Variants in SH3GL3 observed in about 807,000 individuals in gnomAD.
The protein encoded by SH3GL3 is SH3 domain containing GRB2 like 3, endophilin A3.
Under a neutral mutation model 47.7 loss-of-function variants are expected in SH3GL3, and 33 were observed. That is an observed-to-expected ratio of 0.69 (90% CI 0.52 to 0.92). The LOEUF (loss-of-function observed/expected upper bound fraction) is 0.92, where lower values mean the gene tolerates loss of function less well. Among genes scored for constraint, SH3GL3 ranks in the 40% least tolerant of loss-of-function variants. The pLI is 0.00. For synonymous variants in SH3GL3, 155 were observed against 148.8 expected (o/e 1.04, Z -0.30); for missense variants, 363 against 417.8 (o/e 0.87, Z 1.14).
At chr15:83,583,960 A>G (rs540216224) in intron 6 of SH3GL3, among the ~76,000 whole-genome samples, 2 of 152,258 alleles carry the variant, frequency 1.3e-5, no homozygotes, top group South Asian at 4.2e-4. Context: ...AGGTTTTTGC[A>G]TAGTTTGAGG....
intron 7 of SH3GL3, among the ~76,000 whole-genome samples, chr15:83,587,339 T>G (rs1040847783): frequency 2.6e-5 from 4 of 152,118 alleles, no homozygotes; most frequent in African/African-American, 9.7e-5. Context: ...AATCCCTTTT[T>G]TTTGTGACCC....
chr15:83,626,432 T>A, the SH3GL3 span, among the ~76,000 whole-genome samples: 1 of 152,154 alleles, frequency 6.6e-6, no homozygotes, highest in Admixed American at 6.5e-5. Flanking sequence ...AAGCCAGGGG[T>A]GGTCTGAAGC....
At chr15:83,483,987 A>C (rs565053027) in intron 1 of SH3GL3, among the ~76,000 whole-genome samples, 9 of 152,324 alleles carry the variant, frequency 5.9e-5, no homozygotes, top group African/African-American at 2.2e-4. Context: ...AAGAACTGAG[A>C]TCTGTGTTTT....
rs1322261433 is a variant in SH3GL3, at chr15:83,555,269, A to G, written c.46-3984A>G. On this transcript the variant is annotated intron_variant, in intron 1 of 8. Transcript: ENST00000427482. ...TAATTGTTTGCTCTTCATTAATAGA[A>G]GTTATTCCTTTATCTATCATTTTAA... Among the ~76,000 whole-genome samples the G allele has an allele frequency of 3.9e-5, 6 of 152,282 alleles. No homozygotes were observed. In the East Asian group the frequency reaches 1.2e-3, roughly 29 times the overall value.
At chr15:83,567,799 TAAAC>T (rs760613944) in intron 3 of SH3GL3, among the ~76,000 whole-genome samples, 5 of 152,292 alleles carry the variant, frequency 3.3e-5, no homozygotes, top group East Asian at 1.9e-4. Context: ...TGTTTACATT[TAAAC>T]AAACAAACAA....
Position 83,448,442 on chromosome 15 carries a change from A to ATGTGTGTGTG in SH3GL3, c.45+894_45+903dup, listed in dbSNP as rs71156081. 0.065 allele frequency among the ~76,000 whole-genome samples: 9,164 copies of ATGTGTGTGTG among 140,596 alleles called. 400 individuals are homozygous for ATGTGTGTGTG. Among genetic ancestry groups the ATGTGTGTGTG allele is most frequent in the Admixed American group, 0.075 (1,049 of 14,046 alleles). 92.2% of individuals were successfully genotyped at this position (140,596 alleles called of 152,430 possible). A position where few individuals can be genotyped will look rare whatever the true frequency, so the allele number is the denominator to read the frequency against. ...AAACAGGAGGGGAGACATGAAATTGATGTGTGTGTGTGTGTGTGTGTGTGT... is the reference window on the plus strand; with the variant it reads ...AAACAGGAGGGGAGACATGAAATTGATGTGTGTGTGTGTGTGTGTGTGTGTGTGTGTGTGT... On this transcript the variant is annotated intron_variant, in intron 1 of 8. Coordinates refer to ENST00000427482, the MANE Select transcript of SH3GL3 (RefSeq NM_003027.5). The surrounding 1 kb of genome is among the most constrained non-coding windows in gnomAD (Gnocchi z 4.2).
rs539232289 is a variant in SH3GL3 at position 83,580,407 on chromosome 15, A to G, written c.624+3666A>G. 2.6e-5 allele frequency among the ~76,000 whole-genome samples: 4 copies of G among 152,312 alleles called. No homozygotes were observed. The South Asian group carries it at 8.3e-4, about 32-fold the overall frequency. ...GGAGACAAGGTGCACAAACTGTCAA[A>G]TGAGTGGCTGCAAGGGAAGCCTGGT... is the stretch of plus-strand genomic sequence containing the variant. On this transcript the variant is annotated intron_variant, in intron 6 of 8. Transcript: ENST00000427482.
Position 83,618,482 on chromosome 15 carries a change from A to ACTG in SH3GL3, c.*195_*196insCTG. On this transcript the variant is annotated 3_prime_UTR_variant, in exon 9 of 9. Transcript: ENST00000427482. Reference sequence around the variant, plus strand: ...TTTCTTGTCCTTGCTACATGAAAATATTTTCTTTTTTGCTTCCTGTCCTAA... The same window carrying ACTG: ...TTTCTTGTCCTTGCTACATGAAAATACTGTTTTCTTTTTTGCTTCCTGTCCTAA... 1 of 554,282 alleles carries ACTG rather than the reference A, an allele frequency of 1.8e-6. No homozygotes were observed. Among genetic ancestry groups the ACTG allele is most frequent in the Non-Finnish European group, 3.2e-6 (1 of 311,286 alleles). 34.3% of individuals were successfully genotyped at this position (554,282 alleles called of 1,614,324 possible).
intron 2 of SH3GL3, among the ~76,000 whole-genome samples, chr15:83,562,897 A>C (rs2045354208): frequency 6.6e-6 from 1 of 152,224 alleles, no homozygotes; most frequent in Admixed American, 6.5e-5. Context: ...GCTCAAAGTC[A>C]CAAAACTTGT....
intron 1 of SH3GL3, among the ~76,000 whole-genome samples, chr15:83,505,448 G>T (rs563263650): frequency 6.6e-6 from 1 of 151,558 alleles, no homozygotes; most frequent in East Asian, 1.9e-4. Flanking sequence ...TATCTCATTG[G>T]GATTTTAATT....
At chr15:83,533,014 G>C (rs192717869) in intron 1 of SH3GL3, among the ~76,000 whole-genome samples, 1 of 152,198 alleles carries the variant, frequency 6.6e-6, no homozygotes, top group Non-Finnish European at 1.5e-5. Flanking sequence ...CATTGCCTGG[G>C]CTGGGCCCAT....
At chr15:83,484,100 A>T (rs561617240) in intron 1 of SH3GL3, among the ~76,000 whole-genome samples, 2 of 152,222 alleles carry the variant, frequency 1.3e-5, no homozygotes, top group African/African-American at 4.8e-5. Context: ...TGTATCTTTC[A>T]GCAATCTCAA....
chr15:83,551,671 G>C lies in SH3GL3; in HGVS notation c.46-7582G>C, dbSNP rs114599859. On this transcript the variant is annotated intron_variant, in intron 1 of 8. Transcript: ENST00000427482. ...AAGTCTCCATTGTCCCCAGAATTAA[G>C]TTTAGCCCCATGGTCTGGCCCCTGA... is the stretch of plus-strand genomic sequence containing the variant. 9.8e-3 allele frequency among the ~76,000 whole-genome samples: 1,494 copies of C among 152,228 alleles called. 29 individuals are homozygous for C. The highest frequency in any genetic ancestry group is 0.034 in the African/African-American group (1,403 of 41,530).
intron 1 of SH3GL3, among the ~76,000 whole-genome samples, chr15:83,536,905 T>A (rs966638306): frequency 3.3e-5 from 5 of 152,202 alleles, no homozygotes; most frequent in African/African-American, 1.2e-4. Context: ...CATTCTAAAG[T>A]TTCCTCTTTG....
At chr15:83,531,281 G>A (rs561909983) in intron 1 of SH3GL3, among the ~76,000 whole-genome samples, 30 of 152,314 alleles carry the variant, frequency 2.0e-4, no homozygotes, top group Non-Finnish European at 4.0e-4. Flanking sequence ...AAATTTCAGC[G>A]CAGAATGGTT....
At chr15:83,458,361 C>T (rs2040102316) in intron 1 of SH3GL3, among the ~76,000 whole-genome samples, 1 of 152,198 alleles carries the variant, frequency 6.6e-6, no homozygotes. Flanking sequence ...CCACACACAG[C>T]ACCAGCAGCC....
intron 1 of SH3GL3, among the ~76,000 whole-genome samples, chr15:83,449,087 A>G (rs2039600054): frequency 6.6e-6 from 1 of 152,192 alleles, no homozygotes; most frequent in African/African-American, 2.4e-5. Context: ...TGTGTAGACA[A>G]AAGTGAGAAA....
At chr15:83,505,737 C>T (rs765035078) in intron 1 of SH3GL3, among the ~76,000 whole-genome samples, 2 of 151,990 alleles carry the variant, frequency 1.3e-5, no homozygotes, top group African/African-American at 4.8e-5. Flanking sequence ...TAAATGTTGG[C>T]GAGGCTGGTC....
At chr15:83,591,734 G>C (rs2060104254) in intron 8 of SH3GL3, among the ~76,000 whole-genome samples, 1 of 152,058 alleles carries the variant, frequency 6.6e-6, no homozygotes. Context: ...CACCCAGGCT[G>C]GAGTGCAGTG....
Sources: allele counts gnomAD v4.1 joint callset (sites outside exome capture counted in the v4.1 genomes callset), GRCh38; gene constraint gnomAD v4.1.1; non-coding constraint Gnocchi (gnomAD v3.1); transcripts MANE v1.5; gene names NCBI Gene and HGNC (gene_info 2026-07-23, HGNC 2026-07-21).